Variants in SLCO2B1 observed in about 807,000 individuals in gnomAD.
SLCO2B1 encodes the protein solute carrier organic anion transporter family member 2B1.
A neutral mutation model predicts 67.3 loss-of-function variants in SLCO2B1; 41 were observed. The observed-to-expected ratio is 0.61, with a 90% confidence interval of 0.47 to 0.79. The LOEUF (loss-of-function observed/expected upper bound fraction) is 0.79, where lower values mean the gene tolerates loss of function less well. SLCO2B1 is among the 30% of genes least tolerant of loss of function. The probability of loss-of-function intolerance (pLI) is 0.00; values close to 1 mark genes in which losing one functional copy is unlikely to be tolerated. For synonymous variants in SLCO2B1, 379 were observed against 381.4 expected (o/e 0.99, Z 0.07); for missense variants, 837 against 920.1 (o/e 0.91, Z 1.17).
chr11:75,180,340 T>C (rs1950078689), intron 7 of SLCO2B1, among the ~76,000 whole-genome samples: 2 of 152,220 alleles, frequency 1.3e-5, no homozygotes, highest in Admixed American at 1.3e-4. Flanking sequence ...AATATACTGA[T>C]TTCATTTCCT....
In SLCO2B1 at chr11:75,176,994, G is replaced by A. The variant is rs1456784835; in HGVS notation, c.972+4425G>A. On this transcript the variant is annotated intron_variant, in intron 7 of 13. Coordinates refer to ENST00000289575, the MANE Select transcript of SLCO2B1 (RefSeq NM_007256.5). ...CCTGGCGCCAGAGGGCTGAGGAAGG[G>A]CTCCCCTAGACCACCAGGTCTGCAC... 2.0e-5 allele frequency among the ~76,000 whole-genome samples: 3 copies of A among 152,206 alleles called. No individual in the cohort carries two copies. In the East Asian group the frequency reaches 5.8e-4, roughly 29 times the overall value.
intron 7 of SLCO2B1, among the ~76,000 whole-genome samples, chr11:75,179,218 ATT>A (rs373993870): frequency 2.5e-3 from 165 of 66,602 alleles, no homozygotes; most frequent in African/African-American, 9.6e-3. Flanking sequence ...GATACATGAG[ATT>A]TTTTTTTTTT....
intron 1 of SLCO2B1, among the ~76,000 whole-genome samples, chr11:75,157,365 G>A (rs1949757610): frequency 6.6e-6 from 1 of 152,204 alleles, no homozygotes; most frequent in South Asian, 2.1e-4. Flanking sequence ...CTGTCAGGCT[G>A]AATGTGGGGA....
At chr11:75,163,094 A>G (rs1317854946) in intron 2 of SLCO2B1, among the ~76,000 whole-genome samples, 1 of 152,104 alleles carries the variant, frequency 6.6e-6, no homozygotes, top group African/African-American at 2.4e-5. Context: ...TCCCGAACCT[A>G]TGTGGATACT....
At chr11:75,180,925 G>A (rs1157821593) in intron 7 of SLCO2B1, among the ~76,000 whole-genome samples, 1 of 152,178 alleles carries the variant, frequency 6.6e-6, no homozygotes, top group Admixed American at 6.5e-5. Context: ...ATAAATAAGA[G>A]CGAAAGGTTC....
intron 11 of SLCO2B1, chr11:75,201,455 A>C (rs936001331): frequency 2.6e-5 from 4 of 152,120 alleles, no homozygotes; most frequent in African/African-American, 9.7e-5. Flanking sequence ...AGTGTCCCCC[A>C]ATTCTATTCT....
chr11:75,167,263 C>A (rs1356795759), intron 4 of SLCO2B1, among the ~76,000 whole-genome samples: 1 of 152,160 alleles, frequency 6.6e-6, no homozygotes, highest in Non-Finnish European at 1.5e-5. Context: ...GTTCTCTAGG[C>A]CTGCGTGGAA....
rs1949836910 is a variant in SLCO2B1, at chr11:75,162,736, C to G, written c.98C>G (p.Ala33Gly). Residue 33 changes from alanine to glycine, a missense_variant, in exon 2 of 14, where the codon GCC (alanine) becomes GGC (glycine). Transcript: ENST00000289575. ...ACAGAAAACACACCTGGAGGCAAAG[C>G]CAGCCCAGACCCTCAGGACGTGCGG... is the stretch of plus-strand genomic sequence containing the variant. ...MGTENTPGGK[A>G]SPDPQDVRPS... 2 of 1,614,060 alleles carry G rather than the reference C, an allele frequency of 1.2e-6. No individual in the cohort carries two copies. Among genetic ancestry groups the G allele is most frequent in the Non-Finnish European group, 8.5e-7 (1 of 1,179,976 alleles).
chr11:75,187,797 G>A (rs1471491097), intron 7 of SLCO2B1, among the ~76,000 whole-genome samples: 1 of 152,128 alleles, frequency 6.6e-6, no homozygotes, highest in East Asian at 1.9e-4. Context: ...TGATATTTAA[G>A]CTGAAAGGAA....
chr11:75,172,140 A>T (rs1210224109), intron 6 of SLCO2B1, among the ~76,000 whole-genome samples: 1 of 152,208 alleles, frequency 6.6e-6, no homozygotes, highest in Non-Finnish European at 1.5e-5. Context: ...CCGCCTCTAG[A>T]GTCCATGGCC....
chr11:75,156,481 G>A (rs1483467906), intron 1 of SLCO2B1, among the ~76,000 whole-genome samples: 1 of 152,138 alleles, frequency 6.6e-6, no homozygotes. Context: ...CAAGGCAGGG[G>A]CTTGTGGCCT....
chr11:75,191,955 T>C (rs1945028540), intron 8 of SLCO2B1, among the ~76,000 whole-genome samples: 1 of 152,158 alleles, frequency 6.6e-6, no homozygotes, highest in Non-Finnish European at 1.5e-5. Context: ...GGGGGCAACC[T>C]GTGAATGAGG....
chr11:75,200,898 A>T (rs1945171312), intron 11 of SLCO2B1: 1 of 152,498 alleles, frequency 6.6e-6, no homozygotes. Flanking sequence ...TTGGGCCAAG[A>T]TCTTTGTGGC....
At chr11:75,157,825 A>G (rs1187263933) in intron 1 of SLCO2B1, among the ~76,000 whole-genome samples, 1 of 152,152 alleles carries the variant, frequency 6.6e-6, no homozygotes, top group Non-Finnish European at 1.5e-5. Context: ...ACTTATTATT[A>G]TTTTTACATA....
In SLCO2B1 at chr11:75,193,233, T is replaced by C. The variant is rs1427726087; in HGVS notation, c.1091T>C (p.Leu364Pro). 1.2e-6 allele frequency: 2 copies of C among 1,611,342 alleles called. No homozygotes were observed. The highest frequency in any genetic ancestry group is 1.7e-5 in the Admixed American group (1 of 59,942). The change falls in exon 9 of 14, where the codon CTG (leucine) becomes CCG (proline). Residue 364 changes from leucine to proline, a missense_variant. Transcript: ENST00000289575. This position sits in a 1 kb window ranked among gnomAD's most constrained non-coding sequence, Gnocchi z 4.2. ...IQFIKVFPRV[L>P]LQTLRHPIFL... ...GCCCCCACAGTCTTCCCCAGGGTGCTGCTGCAGACCCTACGCCACCCCATC... is the reference window on the plus strand; with the variant it reads ...GCCCCCACAGTCTTCCCCAGGGTGCCGCTGCAGACCCTACGCCACCCCATC...
intron 6 of SLCO2B1, among the ~76,000 whole-genome samples, chr11:75,171,347 C>T (rs1268675217): frequency 6.6e-6 from 1 of 152,132 alleles, no homozygotes; most frequent in East Asian, 1.9e-4. Context: ...GCCTTGGATG[C>T]CTGGGCTCAA....
At chr11:75,181,959 AG>A (rs1310365034) in intron 7 of SLCO2B1, among the ~76,000 whole-genome samples, 1 of 152,202 alleles carries the variant, frequency 6.6e-6, no homozygotes, top group Non-Finnish European at 1.5e-5. Flanking sequence ...AAGGACAGAT[AG>A]GGCTCCCAAT....
intron 7 of SLCO2B1, among the ~76,000 whole-genome samples, chr11:75,178,423 T>G (rs982549103): frequency 1.3e-5 from 2 of 152,246 alleles, no homozygotes; most frequent in Non-Finnish European, 2.9e-5. Flanking sequence ...AGGGGAAAAC[T>G]AAGAGAAAAA....
chr11:75,187,023 A>C (rs778002816), intron 7 of SLCO2B1, among the ~76,000 whole-genome samples: 5 of 152,164 alleles, frequency 3.3e-5, no homozygotes, highest in Non-Finnish European at 7.4e-5. Flanking sequence ...TCTGTGTCTC[A>C]GTTTTATCAC....
Sources: allele counts gnomAD v4.1 joint callset (sites outside exome capture counted in the v4.1 genomes callset), GRCh38; gene constraint gnomAD v4.1.1; non-coding constraint Gnocchi (gnomAD v3.1); transcripts MANE v1.5; gene names NCBI Gene and HGNC (gene_info 2026-07-23, HGNC 2026-07-21).